Variants in ARHGAP32 observed in about 807,000 individuals in gnomAD.
The protein encoded by ARHGAP32 is Rho GTPase activating protein 32.
ARHGAP32 carries 51 observed loss-of-function variants against 186.5 expected under a neutral mutation model. The observed-to-expected ratio is 0.27, with a 90% CI of 0.22 to 0.35. The LOEUF (loss-of-function observed/expected upper bound fraction) is 0.35. ARHGAP32 is among the 10% of genes least tolerant of loss of function. The probability of loss-of-function intolerance (pLI) is 1.00; values close to 1 mark genes in which losing one functional copy is unlikely to be tolerated. For missense variants in ARHGAP32, 2,186 were observed against 2,623.5 expected, an observed-to-expected ratio of 0.83 and a Z score of 3.64; for synonymous variants, 950 against 964.3, an observed-to-expected ratio of 0.99 and a Z score of 0.27.
At chr11:129,099,404 C>A (rs1206579689) in intron 5 of ARHGAP32, among the ~76,000 whole-genome samples, 5 of 152,188 alleles carry the variant, frequency 3.3e-5, no homozygotes, top group Non-Finnish European at 1.5e-5. Context: ...CAATAGGCTA[C>A]ACCAGATAGC....
At chr11:129,237,908 G>A (rs1407282152) in intron 1 of ARHGAP32, among the ~76,000 whole-genome samples, 1 of 152,112 alleles carries the variant, frequency 6.6e-6, no homozygotes, top group Non-Finnish European at 1.5e-5. Flanking sequence ...TAAGGCTACT[G>A]CATTGATCCA....
At chr11:129,234,625 G>C (rs1244827862) in intron 1 of ARHGAP32, among the ~76,000 whole-genome samples, 1 of 151,970 alleles carries the variant, frequency 6.6e-6, no homozygotes, top group Non-Finnish European at 1.5e-5. Context: ...TTTTCCCAAA[G>C]ATCTCCCTAC....
chr11:129,223,343 A>G (rs1393751458), intron 1 of ARHGAP32, among the ~76,000 whole-genome samples: 2 of 152,016 alleles, frequency 1.3e-5, no homozygotes, highest in East Asian at 3.9e-4. Flanking sequence ...CATAAAGCTT[A>G]GCTGTGGTAC....
chr11:128,970,325 G>A lies in ARHGAP32; in HGVS notation c.4888C>T (p.Pro1630Ser). Reference protein sequence around the residue: ...PDDEPAYCPRPLYQYKPYQSS... With the variant: ...PDDEPAYCPRSLYQYKPYQSS... Reference sequence around the variant, plus strand: ...TGATATGGCTTATATTGGTACAGAGGTCTTGGGCAGTAGGCTGGCTCATCA... The same window carrying A: ...TGATATGGCTTATATTGGTACAGAGATCTTGGGCAGTAGGCTGGCTCATCA... Residue 1630 changes from proline to serine, a missense_variant, in exon 23 of 23, where the codon CCT becomes TCT. Physicochemically the swap from Pro to Ser is moderately conservative, Grantham distance 74. This residue lies in a region of ARHGAP32 where 1,502 missense variants were observed against 1,570.0 expected (regional missense o/e 0.96). Coordinates refer to ENST00000682385, the MANE Select transcript of ARHGAP32 (RefSeq NM_001378024.1). This position sits in a 1 kb window ranked among gnomAD's most constrained non-coding sequence, Gnocchi z 5.8. The A allele has an allele frequency of 6.2e-7, 1 of 1,614,222 alleles. No homozygotes were observed. Among genetic ancestry groups the A allele is most frequent in the Admixed American group, 1.7e-5 (1 of 60,030 alleles).
chr11:129,254,869 T>C (rs1945232740), intron 1 of ARHGAP32, among the ~76,000 whole-genome samples: 1 of 152,112 alleles, frequency 6.6e-6, no homozygotes, highest in Non-Finnish European at 1.5e-5. Context: ...ATGTGATGTA[T>C]TGTGTGTACA....
intron 5 of ARHGAP32, among the ~76,000 whole-genome samples, chr11:129,120,510 T>C (rs1942498892): frequency 6.6e-6 from 1 of 152,110 alleles, no homozygotes; most frequent in Non-Finnish European, 1.5e-5. Context: ...AGTACTGACA[T>C]GTCTAAATTG....
intron 2 of ARHGAP32, among the ~76,000 whole-genome samples, chr11:129,153,613 G>A (rs1943338704): frequency 6.6e-6 from 1 of 152,030 alleles, no homozygotes; most frequent in Non-Finnish European, 1.5e-5. Context: ...CTTGGATAAA[G>A]CAAACAAAAA....
intron 1 of ARHGAP32, among the ~76,000 whole-genome samples, chr11:129,218,403 T>C (rs1450738261): frequency 6.6e-6 from 1 of 152,040 alleles, no homozygotes; most frequent in Non-Finnish European, 1.5e-5. Flanking sequence ...TTTAGAGAGA[T>C]GGTTCCCTAC....
chr11:129,092,600 TCTTA>T (rs1565418391), intron 6 of ARHGAP32, among the ~76,000 whole-genome samples: 1 of 151,982 alleles, frequency 6.6e-6, no homozygotes, highest in African/African-American at 2.4e-5. Flanking sequence ...AATTTGGCCA[TCTTA>T]CTTATTTATA....
intron 11 of ARHGAP32, among the ~76,000 whole-genome samples, chr11:129,033,523 C>G (rs114536693): frequency 1.3e-5 from 2 of 152,184 alleles, no homozygotes; most frequent in Admixed American, 6.5e-5. Flanking sequence ...TTGTCAGATA[C>G]GCATTCTGCA....
intron 1 of ARHGAP32, among the ~76,000 whole-genome samples, chr11:129,251,803 G>A (rs557991034): frequency 1.6e-4 from 25 of 151,622 alleles, no homozygotes; most frequent in African/African-American, 5.8e-4. Flanking sequence ...GTGTGGCGAG[G>A]TGTGCCTGTA....
At chr11:129,186,235 T>G (rs770160215) in intron 1 of ARHGAP32, among the ~76,000 whole-genome samples, 29 of 152,136 alleles carry the variant, frequency 1.9e-4, no homozygotes, top group Non-Finnish European at 3.1e-4. Context: ...TCTATATCGT[T>G]TGTGTACTCT....
At chr11:129,111,491 G>C (rs1395657653) in intron 5 of ARHGAP32, among the ~76,000 whole-genome samples, 1 of 152,144 alleles carries the variant, frequency 6.6e-6, no homozygotes, top group Admixed American at 6.5e-5. Context: ...TTCTTTGTAA[G>C]CTTGGTAGAA....
At chr11:129,143,006 G>A (rs1943089957) in intron 2 of ARHGAP32, among the ~76,000 whole-genome samples, 2 of 131,278 alleles carry the variant, frequency 1.5e-5, no homozygotes, top group South Asian at 4.7e-4. Flanking sequence ...TAGTGATGAA[G>A]GGGAAAAAAA....
chr11:129,008,074 C>T (rs1303263108), intron 11 of ARHGAP32, among the ~76,000 whole-genome samples: 1 of 152,144 alleles, frequency 6.6e-6, no homozygotes, highest in Non-Finnish European at 1.5e-5. Context: ...TCTCTCTGTG[C>T]CACAGGGCCA....
At chr11:129,094,585 A>G (rs1008720417) in intron 5 of ARHGAP32, among the ~76,000 whole-genome samples, 8 of 152,188 alleles carry the variant, frequency 5.3e-5, no homozygotes, top group African/African-American at 1.7e-4. Flanking sequence ...AATGACCATC[A>G]CCTTTAAATG....
chr11:129,234,344 T>C (rs1944898429), intron 1 of ARHGAP32, among the ~76,000 whole-genome samples: 1 of 152,128 alleles, frequency 6.6e-6, no homozygotes, highest in East Asian at 1.9e-4. Flanking sequence ...CTCAAAAATG[T>C]AGTCTAAGCA....
At chr11:128,997,778 A>T (rs376690047) in intron 12 of ARHGAP32, among the ~76,000 whole-genome samples, 1 of 152,206 alleles carries the variant, frequency 6.6e-6, no homozygotes, top group Non-Finnish European at 1.5e-5. Flanking sequence ...GTGGTGGCAC[A>T]TGCCTGTAGT....
intron 1 of ARHGAP32, among the ~76,000 whole-genome samples, chr11:129,238,069 G>A (rs927338062): frequency 2.0e-5 from 3 of 151,976 alleles, no homozygotes; most frequent in African/African-American, 7.3e-5. Context: ...CAGTGCCAGC[G>A]GTTTTTGATG....
Sources: gnomAD v4.1 joint callset for allele counts (sites outside exome capture counted in the v4.1 genomes callset) on GRCh38, gnomAD v4.1.1 for gene constraint, gnomAD v4.1.1 regional missense constraint, Gnocchi (gnomAD v3.1) non-coding constraint, MANE v1.5 for transcripts, NCBI Gene and HGNC (gene_info 2026-07-23, HGNC 2026-07-21) for gene names.